The following KIF15 variants were observed in gnomAD, a reference collection of about 807,000 sequenced individuals.
The protein encoded by KIF15 is kinesin-like protein KIF15.
In KIF15, 140 loss-of-function variants were observed where a neutral mutation model predicts 190.6. That is an observed-to-expected ratio of 0.73 (90% CI 0.64 to 0.84). KIF15 has a LOEUF of 0.84. Ranked by LOEUF, KIF15 falls within the 40% of genes least tolerant of loss-of-function variation. KIF15 has a pLI of 0.00. For missense variants in KIF15, 1,372 were observed against 1,584.4 expected (o/e 0.87, Z 2.28); for synonymous variants, 528 against 551.3 (o/e 0.96, Z 0.59).
intron 1 of KIF15, among the ~76,000 whole-genome samples, chr3:44,771,289 TG>T (rs1488623605): frequency 6.6e-6 from 1 of 152,214 alleles, no homozygotes; most frequent in Non-Finnish European, 1.5e-5. Flanking sequence ...TCTGATGGCC[TG>T]GGACTCCTCG....
Position 44,863,464 on chromosome 3 carries a change from TGTCTGGGATCACTAAATA to T in KIF15, c.*60-9859_*60-9842del, listed in dbSNP as rs1180262216. The T allele has an allele frequency of 2.0e-5, 3 of 152,230 alleles. No individual in the cohort carries two copies. In the East Asian group the frequency reaches 5.8e-4, roughly 29 times the overall value. 9.4% of individuals were successfully genotyped at this position (152,230 alleles called of 1,614,324 possible). A position where few individuals can be genotyped will look rare whatever the true frequency, so the allele number is the denominator to read the frequency against. ...AAATACCTGCAAGTTCTCCAAGGGA[TGTCTGGGATCACTAAATA>T]GTCTGAGGTGGTGTTTCCCTCAGGC... On this transcript the variant is annotated intron_variant and NMD_transcript_variant, in intron 6 of 6. Transcript: ENST00000422209.
intron 20 of KIF15, among the ~76,000 whole-genome samples, chr3:44,817,339 G>A (rs187849924): frequency 6.6e-6 from 1 of 152,246 alleles, no homozygotes; most frequent in Admixed American, 6.5e-5. Context: ...GAATGGTATT[G>A]CCTAGGTTTT....
chr3:44,855,431 T>A (rs577297417), downstream of KIF15, among the ~76,000 whole-genome samples: 35 of 152,294 alleles, frequency 2.3e-4, no homozygotes, highest in Admixed American at 1.0e-3. Context: ...TGGATATATA[T>A]GTGCAGGTCA....
At chr3:44,834,185 G>C (rs528637137) in intron 26 of KIF15, among the ~76,000 whole-genome samples, 3 of 152,102 alleles carry the variant, frequency 2.0e-5, no homozygotes, top group Admixed American at 1.3e-4. Flanking sequence ...CTTATCTTCA[G>C]TCTTTATTAG....
intron 30 of KIF15, among the ~76,000 whole-genome samples, chr3:44,843,722 G>T (rs140198763): frequency 6.6e-6 from 1 of 152,246 alleles, no homozygotes; most frequent in African/African-American, 2.4e-5. Context: ...AGGCAGTTTT[G>T]TAGTTGCATT....
intron 6 of KIF15, among the ~76,000 whole-genome samples, chr3:44,785,315 G>C (rs1351559802): frequency 1.3e-5 from 2 of 152,212 alleles, no homozygotes; most frequent in Admixed American, 1.3e-4. Context: ...CCTGTACCTA[G>C]GCTCACAGGT....
At chr3:44,862,293 T>G (rs1036386379) in intron 6 of KIF15, 2 of 232,818 alleles carry the variant, frequency 8.6e-6, no homozygotes, top group Non-Finnish European at 1.4e-5. Context: ...CGGGCGGCGC[T>G]GCGGTCAGCT....
At chr3:44,808,485 C>G (rs1707622076) in intron 16 of KIF15, among the ~76,000 whole-genome samples, 1 of 152,112 alleles carries the variant, frequency 6.6e-6, no homozygotes, top group Non-Finnish European at 1.5e-5. Flanking sequence ...CCTTTGTCCC[C>G]ACAATCCCTG....
intron 20 of KIF15, among the ~76,000 whole-genome samples, chr3:44,816,220 C>A (rs1329619070): frequency 6.6e-6 from 1 of 152,228 alleles, no homozygotes; most frequent in East Asian, 1.9e-4. Context: ...TATTTATCTG[C>A]TGCTGCTGCT....
intron 14 of KIF15, among the ~76,000 whole-genome samples, chr3:44,804,390 T>G (rs1487843639): frequency 6.6e-6 from 1 of 152,180 alleles, no homozygotes; most frequent in Non-Finnish European, 1.5e-5. Flanking sequence ...AAAATTAATA[T>G]TTTCTACCTG....
chr3:44,863,298 G>GGGGGGGGGGCCCC, intron 6 of KIF15: 1 of 38,782 alleles, frequency 2.6e-5, no homozygotes, highest in East Asian at 5.0e-3. Context: ...TTTAGATTCC[G>GGGGGGGGGGCCCC]CACCCCCCCC....
chr3:44,820,350 T>A (rs113032326), intron 20 of KIF15, among the ~76,000 whole-genome samples: 1,749 of 151,666 alleles, frequency 0.012, 29 homozygotes, highest in African/African-American at 0.039. Context: ...TTTTTTTTTT[T>A]AAACTTTTAT....
chr3:44,776,138 A>ATCATT (rs1705879909), intron 3 of KIF15, among the ~76,000 whole-genome samples: 1 of 151,954 alleles, frequency 6.6e-6, no homozygotes, highest in South Asian at 2.1e-4. Flanking sequence ...CATCCGTCTC[A>ATCATT]AATAAGGAGA....
chr3:44,817,227 A>G (rs1249123617), intron 20 of KIF15, among the ~76,000 whole-genome samples: 5 of 152,204 alleles, frequency 3.3e-5, no homozygotes, highest in African/African-American at 7.2e-5. Flanking sequence ...TTTGCTGTGC[A>G]GAGGCTCTTT....
chr3:44,829,139 C>CTT, intron 24 of KIF15, among the ~76,000 whole-genome samples: 1 of 151,716 alleles, frequency 6.6e-6, no homozygotes, highest in East Asian at 1.9e-4. Context: ...GGGTGGATCA[C>CTT]GAGGTCAGAA....
intron 34 of KIF15, 54 bp downstream of exon 34, chr3:44,852,393 T>G: frequency 2.6e-6 from 4 of 1,518,542 alleles, no homozygotes; most frequent in Non-Finnish European, 3.6e-6. Context: ...AATGATTATT[T>G]TATTGAAACC....
downstream of KIF15, among the ~76,000 whole-genome samples, chr3:44,856,063 A>C (rs953828380): frequency 6.6e-6 from 1 of 152,068 alleles, no homozygotes; most frequent in South Asian, 2.1e-4. Context: ...GGGTGATTTG[A>C]CTAATAAAGG....
Position 44,843,217 on chromosome 3 carries a change from A to G in KIF15, c.3678A>G (p.Lys1226=). The G allele has an allele frequency of 4.3e-6, 7 of 1,612,238 alleles. No homozygotes were observed. Among genetic ancestry groups the G allele is most frequent in the Non-Finnish European group, 5.9e-6 (7 of 1,178,626 alleles). ...WLLQGQLDDI[K]RQKENSDQNH... ...TGCAAGGTCAGCTGGATGATATTAA[A>G]AGACAAAAGGAAAACAGGTGAGAAA... Residue 1226 remains lysine, a synonymous_variant, in exon 30 of 35, where the codon AAA becomes AAG. Transcript: ENST00000326047.
chr3:44,790,695 C>CTTTTTTTTTTTTT (rs56414094), intron 7 of KIF15, among the ~76,000 whole-genome samples: 7 of 97,970 alleles, frequency 7.1e-5, no homozygotes, highest in African/African-American at 1.2e-4. Context: ...TTTTCTGTTT[C>CTTTTTTTTTTTTT]TTTTTTTTTT....
Sources: gnomAD v4.1 joint callset for allele counts (sites outside exome capture counted in the v4.1 genomes callset) on GRCh38, gnomAD v4.1.1 for gene constraint, MANE v1.5 for transcripts, NCBI Gene and HGNC (gene_info 2026-07-23, HGNC 2026-07-21) for gene names.